Variants in PLD5 observed in about 807,000 individuals in gnomAD.
PLD5 encodes inactive phospholipase D5.
A neutral mutation model predicts 61.1 loss-of-function variants in PLD5; 36 were observed. The observed-to-expected ratio is 0.59, with a 90% confidence interval of 0.45 to 0.78. PLD5 has a LOEUF of 0.78. Ranked by LOEUF, PLD5 falls within the 30% of genes least tolerant of loss-of-function variation. The probability of loss-of-function intolerance (pLI) is 0.00; values close to 1 mark genes in which losing one functional copy is unlikely to be tolerated. For missense variants in PLD5, 515 were observed against 644.4 expected (o/e 0.80, Z 2.17); for synonymous variants, 243 against 242.8 (o/e 1.00, Z -0.01).
At chr1:242,223,033 A>T (rs1341651856) in intron 4 of PLD5, among the ~76,000 whole-genome samples, 1 of 152,214 alleles carries the variant, frequency 6.6e-6, no homozygotes, top group Non-Finnish European at 1.5e-5. Flanking sequence ...CATACACAAC[A>T]GAAATGTATC....
chr1:242,086,358 C>G lies in PLD5; in HGVS notation c.*3496G>C, dbSNP rs780199785. Reference sequence around the variant, plus strand: ...AAGTCTGCAAAGCATCTCTTTACAGCATTCTTTTAAGTCAGTGGGGACATT... The same window carrying G: ...AAGTCTGCAAAGCATCTCTTTACAGGATTCTTTTAAGTCAGTGGGGACATT... On this transcript the variant is annotated 3_prime_UTR_variant, in exon 10 of 10. Transcript: ENST00000536534. The G allele has an allele frequency of 2.0e-5, 3 of 152,210 alleles. No homozygotes were observed. Among genetic ancestry groups the G allele is most frequent in the East Asian group, 1.9e-4 (1 of 5,196 alleles). The allele number at this position is 152,210 out of a possible 1,614,324, so 9.4% of individuals were successfully genotyped here. A position where few individuals can be genotyped will look rare whatever the true frequency, so the allele number is the denominator to read the frequency against.
chr1:242,436,028 G>A (rs1011330037), intron 1 of PLD5, among the ~76,000 whole-genome samples: 1 of 152,100 alleles, frequency 6.6e-6, no homozygotes, highest in Admixed American at 6.5e-5. Context: ...ACCCATTAGA[G>A]TATCCAATAG....
At chr1:242,470,636 T>A (rs943440052) in intron 1 of PLD5, among the ~76,000 whole-genome samples, 1 of 152,220 alleles carries the variant, frequency 6.6e-6, no homozygotes, top group African/African-American at 2.4e-5. Context: ...TTCCTATTAT[T>A]ACTATTAACA....
At chr1:242,098,446 A>G (rs778583749) in intron 9 of PLD5, among the ~76,000 whole-genome samples, 6 of 152,078 alleles carry the variant, frequency 3.9e-5, no homozygotes, top group Non-Finnish European at 8.8e-5. Flanking sequence ...CGGTTATTGT[A>G]GTTAGCCATT....
intron 1 of PLD5, among the ~76,000 whole-genome samples, chr1:242,501,151 CACTGA>C (rs1210933057): frequency 6.6e-6 from 1 of 152,116 alleles, no homozygotes; most frequent in Non-Finnish European, 1.5e-5. Context: ...GACTCACTAG[CACTGA>C]ACTGAGCTTT....
At chr1:242,207,842 T>TTA (rs1241530383) in intron 5 of PLD5, among the ~76,000 whole-genome samples, 2 of 21,392 alleles carry the variant, frequency 9.3e-5, no homozygotes, top group Non-Finnish European at 1.8e-4. Flanking sequence ...ATTTATATAT[T>TTA]TATATATATT....
intron 1 of PLD5, among the ~76,000 whole-genome samples, chr1:242,399,263 C>A (rs973461822): frequency 1.3e-5 from 2 of 152,190 alleles, no homozygotes; most frequent in Admixed American, 1.3e-4. Flanking sequence ...ATAAGTGTCA[C>A]TGTACCAGAG....
intron 2 of PLD5, among the ~76,000 whole-genome samples, chr1:242,291,223 T>C (rs1301842690): frequency 6.6e-6 from 1 of 152,220 alleles, no homozygotes; most frequent in African/African-American, 2.4e-5. Context: ...CTTCTCCTGA[T>C]TGGCTTCCTT....
At chr1:242,343,126 C>A (rs1659935900) in intron 2 of PLD5, among the ~76,000 whole-genome samples, 1 of 151,638 alleles carries the variant, frequency 6.6e-6, no homozygotes, top group Admixed American at 6.6e-5. Context: ...AAGAGTACAC[C>A]AGATGAAGAG....
chr1:242,248,015 C>T (rs924713245), intron 4 of PLD5, among the ~76,000 whole-genome samples: 2 of 152,168 alleles, frequency 1.3e-5, no homozygotes, highest in African/African-American at 4.8e-5. Context: ...TGACTCGTAG[C>T]ACCTCTGGTC....
At chr1:242,239,253 A>G (rs753748) in intron 4 of PLD5, among the ~76,000 whole-genome samples, 12,906 of 151,864 alleles carry the variant, frequency 0.085, 707 homozygotes, top group East Asian at 0.16. Context: ...ACAGTATCAC[A>G]TCTTTGTCCC....
At chr1:242,273,975 G>A (rs1355813833) in intron 3 of PLD5, among the ~76,000 whole-genome samples, 6 of 152,126 alleles carry the variant, frequency 3.9e-5, no homozygotes, top group Non-Finnish European at 7.3e-5. Context: ...GTTTTGATCC[G>A]GGGAAACTGA....
intron 2 of PLD5, among the ~76,000 whole-genome samples, chr1:242,338,024 C>T (rs574514357): frequency 1.3e-5 from 2 of 152,244 alleles, no homozygotes; most frequent in East Asian, 3.9e-4. Flanking sequence ...TGCATTCCAA[C>T]CTTGCAACCT....
chr1:242,455,878 C>T (rs1358254545), intron 1 of PLD5, among the ~76,000 whole-genome samples: 1 of 152,224 alleles, frequency 6.6e-6, no homozygotes, highest in Non-Finnish European at 1.5e-5. Context: ...TCTGTCCAGG[C>T]AGGTGTGCTA....
At chr1:242,482,987 A>G (rs367800121) in intron 1 of PLD5, among the ~76,000 whole-genome samples, 10 of 152,186 alleles carry the variant, frequency 6.6e-5, no homozygotes, top group Non-Finnish European at 1.3e-4. Context: ...GAAATAAAAT[A>G]CTTTACAGAC....
At chr1:242,468,340 T>C (rs1667338487) in intron 1 of PLD5, among the ~76,000 whole-genome samples, 1 of 152,192 alleles carries the variant, frequency 6.6e-6, no homozygotes, top group African/African-American at 2.4e-5. Flanking sequence ...CCTCATAATA[T>C]GCCAGCCAGA....
chr1:242,306,780 C>G (rs1676387470), intron 2 of PLD5, among the ~76,000 whole-genome samples: 1 of 33,924 alleles, frequency 2.9e-5, no homozygotes, highest in Non-Finnish European at 6.9e-5. Flanking sequence ...CACACACACA[C>G]ACACACACAC....
rs576551728 is a variant in PLD5 at position 242,120,028 on chromosome 1, T to C, written c.933+4440A>G. Among the ~76,000 whole-genome samples the C allele has an allele frequency of 7.2e-5, 11 of 152,300 alleles. No individual in the cohort carries two copies. In the South Asian group the frequency reaches 1.9e-3, roughly 26 times the overall value. ...GGCAGTATTGGTCCATGCTACAATATGGATAAACCTTGAAGGCATTATGTT... is the reference window on the plus strand; with the variant it reads ...GGCAGTATTGGTCCATGCTACAATACGGATAAACCTTGAAGGCATTATGTT... On this transcript the variant is annotated intron_variant, in intron 6 of 9. Coordinates refer to ENST00000536534, the MANE Select transcript of PLD5 (RefSeq NM_001372062.1).
intron 1 of PLD5, among the ~76,000 whole-genome samples, chr1:242,476,215 C>T (rs1327820653): frequency 6.6e-6 from 1 of 152,060 alleles, no homozygotes; most frequent in East Asian, 1.9e-4. Flanking sequence ...ATTAGCCAGA[C>T]ATGGTGGTGC....
Sources: allele counts gnomAD v4.1 joint callset (sites outside exome capture counted in the v4.1 genomes callset), GRCh38; gene constraint gnomAD v4.1.1; transcripts MANE v1.5; gene names NCBI Gene and HGNC (gene_info 2026-07-23, HGNC 2026-07-21).